INPP5B: variants seen among roughly 807,000 people sequenced by gnomAD.
The protein encoded by INPP5B is inositol polyphosphate-5-phosphatase B, also known as type II inositol 1,4,5-trisphosphate 5-phosphatase.
INPP5B carries 90 observed loss-of-function variants against 118.5 expected under a neutral mutation model. The observed-to-expected ratio is 0.76, with a 90% CI of 0.64 to 0.90. INPP5B has a LOEUF of 0.90. Among genes scored for constraint, INPP5B ranks in the 40% least tolerant of loss-of-function variants. INPP5B has a pLI of 0.00. For synonymous variants in INPP5B, 385 were observed against 418.9 expected (o/e 0.92, Z 0.99); for missense variants, 984 against 1,125.6 (o/e 0.87, Z 1.80).
At chr1:37,880,832 C>T (rs1322797450) in intron 14 of INPP5B, among the ~76,000 whole-genome samples, 1 of 152,140 alleles carries the variant, frequency 6.6e-6, no homozygotes, top group East Asian at 1.9e-4. Flanking sequence ...CTCAGGCAAT[C>T]CTCCTGCCTC....
chr1:37,902,153 A>C lies in INPP5B; in HGVS notation c.533-10699T>G, dbSNP rs566217023. Among the ~76,000 whole-genome samples, 39 of 151,934 alleles carry C rather than the reference A, an allele frequency of 2.6e-4. 2 individuals carry two copies. In the South Asian group the frequency reaches 7.1e-3, roughly 28 times the overall value. On this transcript the variant is annotated intron_variant, in intron 7 of 23. Coordinates refer to ENST00000373024, the MANE Select transcript of INPP5B (RefSeq NM_005540.3). Reference sequence around the variant, plus strand: ...AGGCATGCACCACCACGCCCAGCTAATTTTTGTATTTTTAGTAGAAACGGG... The same window carrying C: ...AGGCATGCACCACCACGCCCAGCTACTTTTTGTATTTTTAGTAGAAACGGG...
chr1:37,900,818 G>GTT (rs1052343090), intron 7 of INPP5B, among the ~76,000 whole-genome samples: 1 of 141,634 alleles, frequency 7.1e-6, no homozygotes, highest in African/African-American at 2.6e-5. Flanking sequence ...GTTTTTGTTT[G>GTT]TTTTTTTTTT....
intron 5 of INPP5B, among the ~76,000 whole-genome samples, chr1:37,943,086 C>T (rs1404623145): frequency 1.3e-5 from 2 of 151,820 alleles, no homozygotes; most frequent in African/African-American, 2.4e-5. Context: ...CGGCAACCTC[C>T]GCCTCCCAGG....
intron 7 of INPP5B, chr1:37,929,751 C>A (rs1225709550): frequency 6.7e-6 from 1 of 148,926 alleles, no homozygotes; most frequent in Non-Finnish European, 1.5e-5. Context: ...TTTTTTTTTT[C>A]GAGATGGAGT....
chr1:37,939,588 G>A (rs1371021343), intron 6 of INPP5B, among the ~76,000 whole-genome samples: 1 of 151,514 alleles, frequency 6.6e-6, no homozygotes. Flanking sequence ...GGGACTATAG[G>A]CGCCCGCCAC....
intron 3 of INPP5B, among the ~76,000 whole-genome samples, chr1:37,944,527 G>T (rs1363939210): frequency 6.6e-6 from 1 of 150,950 alleles, no homozygotes; most frequent in Non-Finnish European, 1.5e-5. Flanking sequence ...TGGGATTACA[G>T]GCATGAGCCA....
intron 6 of INPP5B, among the ~76,000 whole-genome samples, chr1:37,935,612 T>C (rs1645656333): frequency 6.6e-6 from 1 of 152,102 alleles, no homozygotes; most frequent in African/African-American, 2.4e-5. Context: ...TCCTTCCCCA[T>C]TCCCATCACC....
chr1:37,917,308 T>TTATATATGTATATATATATATATATA (rs1644903828), intron 7 of INPP5B, among the ~76,000 whole-genome samples: 1 of 92,796 alleles, frequency 1.1e-5, no homozygotes, highest in Non-Finnish European at 2.0e-5. Context: ...AAAAAAATAA[T>TTATATATGTATATATATATATATATA]TATATATATA....
At chr1:37,932,953 C>T (rs930676164) in intron 6 of INPP5B, among the ~76,000 whole-genome samples, 1 of 152,194 alleles carries the variant, frequency 6.6e-6, no homozygotes, top group Admixed American at 6.5e-5. Context: ...CTGACTCAAA[C>T]CCTCTGACTC....
intron 7 of INPP5B, among the ~76,000 whole-genome samples, chr1:37,920,550 A>T (rs760084987): frequency 6.6e-6 from 1 of 151,894 alleles, no homozygotes; most frequent in Non-Finnish European, 1.5e-5. Context: ...CTGTAATCCC[A>T]GCTATTTGGG....
chr1:37,915,157 C>T (rs953210174), intron 7 of INPP5B, among the ~76,000 whole-genome samples: 1 of 152,144 alleles, frequency 6.6e-6, no homozygotes, highest in Non-Finnish European at 1.5e-5. Context: ...ACAGTGTTGA[C>T]CCTTGAGGTG....
rs536540977 is a variant in INPP5B, at chr1:37,922,553, G to A, written c.532+9360C>T. On this transcript the variant is annotated intron_variant, in intron 7 of 23. Coordinates refer to ENST00000373024, the MANE Select transcript of INPP5B (RefSeq NM_005540.3). ...TACTAAAAAATACAAAAAACTAGCC[G>A]GGCATGGTGGCAGGCGCCTGTAGTC... Among the ~76,000 whole-genome samples, 400 of 147,928 alleles carry A rather than the reference G, an allele frequency of 2.7e-3. 2 individuals carry two copies. The highest frequency in any genetic ancestry group is 7.3e-3 in the African/African-American group (291 of 40,030).
chr1:37,896,696 C>G (rs1203406680), intron 7 of INPP5B, among the ~76,000 whole-genome samples: 1 of 120,678 alleles, frequency 8.3e-6, no homozygotes, highest in East Asian at 2.7e-4. Flanking sequence ...CCCCTCTGCC[C>G]GGCCAGCCGC....
intron 6 of INPP5B, among the ~76,000 whole-genome samples, chr1:37,937,046 C>T (rs1645725007): frequency 6.6e-6 from 1 of 152,054 alleles, no homozygotes; most frequent in Admixed American, 6.6e-5. Context: ...GGCGCGGTGG[C>T]TCACACCTGT....
At chr1:37,935,663 C>T (rs1177212755) in intron 6 of INPP5B, among the ~76,000 whole-genome samples, 1 of 152,296 alleles carries the variant, frequency 6.6e-6, no homozygotes, top group Non-Finnish European at 1.5e-5. Context: ...CATTCCTTAG[C>T]CATTCCAGTA....
At chr1:37,943,722 C>T (rs1249474405) in intron 4 of INPP5B, 53 bp from the exon 5 acceptor site, 2 of 1,610,730 alleles carry the variant, frequency 1.2e-6, no homozygotes, top group Non-Finnish European at 1.7e-6. Context: ...CTCCCCCTTG[C>T]CCCCCCATCA....
chr1:37,912,497 AC>A (rs1262691639), intron 7 of INPP5B, among the ~76,000 whole-genome samples: 1 of 151,932 alleles, frequency 6.6e-6, no homozygotes, highest in African/African-American at 2.4e-5. Flanking sequence ...TTACGCAGTC[AC>A]CCCCACTACT....
intron 7 of INPP5B, among the ~76,000 whole-genome samples, chr1:37,918,064 G>A (rs1443061198): frequency 6.6e-6 from 1 of 152,192 alleles, no homozygotes; most frequent in Non-Finnish European, 1.5e-5. Flanking sequence ...TCAGCCAGGT[G>A]TACAGTCTTG....
intron 7 of INPP5B, among the ~76,000 whole-genome samples, chr1:37,892,005 A>G (rs965968975): frequency 5.6e-4 from 86 of 152,298 alleles, no homozygotes; most frequent in African/African-American, 2.0e-3. Flanking sequence ...AGCTAGTCTA[A>G]CTCCCTTTTC....
Sources: gnomAD v4.1 joint callset for allele counts (sites outside exome capture counted in the v4.1 genomes callset) on GRCh38, gnomAD v4.1.1 for gene constraint, MANE v1.5 for transcripts, NCBI Gene and HGNC (gene_info 2026-07-23, HGNC 2026-07-21) for gene names.